Variants in ZNF846 observed in about 807,000 individuals in gnomAD.
The protein encoded by ZNF846 is zinc finger protein 420 pseudogene.
Under a neutral mutation model 16.0 loss-of-function variants are expected in ZNF846, and 15 were observed. The ratio of observed to expected loss-of-function variants is 0.94; its 90% CI spans 0.63 to 1.45. The LOEUF (loss-of-function observed/expected upper bound fraction) is 1.45, where lower values mean the gene tolerates loss of function less well. ZNF846 is among the 40% of genes most tolerant of loss of function. The pLI is 0.00. For synonymous variants in ZNF846, 229 were observed against 212.0 expected (o/e 1.08, Z -0.70); for missense variants, 714 against 622.3 (o/e 1.15, Z -1.57).
chr19:9,775,178 T>A (rs903434132), intron 1 of ZNF846, among the ~76,000 whole-genome samples: 3 of 144,466 alleles, frequency 2.1e-5, no homozygotes, highest in Admixed American at 1.4e-4. Flanking sequence ...TATATACATA[T>A]ATATGTGTAT....
chr19:9,760,287 G>A lies in ZNF846; in HGVS notation c.230-345C>T, dbSNP rs145427900. On this transcript the variant is annotated intron_variant, in intron 4 of 5. Coordinates refer to ENST00000397902, the Ensembl canonical transcript of ZNF846. The stretch of plus-strand genomic sequence containing the variant: ...AGCCTGGGCTACAGAGCAAGACTTC[G>A]TCTCAAAAAAAAAAAATGCCTAAGG... 4.2e-3 allele frequency among the ~76,000 whole-genome samples: 584 copies of A among 138,726 alleles called. 26 individuals are homozygous for A. The highest frequency in any genetic ancestry group is 0.017 in the South Asian group (76 of 4,498). The allele number at this position is 138,726 out of a possible 152,430, so 91.0% of individuals were successfully genotyped here.
chr19:9,751,559 G>A (rs530752197), downstream of ZNF846, among the ~76,000 whole-genome samples: 44 of 151,970 alleles, frequency 2.9e-4, no homozygotes, highest in East Asian at 7.6e-3. Flanking sequence ...AATGTAATTT[G>A]CAACACCCTC....
downstream of ZNF846, among the ~76,000 whole-genome samples, chr19:9,754,564 T>TAAA (rs545236944): frequency 0.076 from 6,691 of 88,392 alleles, 319 homozygotes; most frequent in Admixed American, 0.15. Context: ...GACTCTGTCT[T>TAAA]AAAAAAAAAA....
At chr19:9,782,534 A>T (rs1014668089) in intron 1 of ZNF846, among the ~76,000 whole-genome samples, 1 of 152,156 alleles carries the variant, frequency 6.6e-6, no homozygotes, top group Non-Finnish European at 1.5e-5. Context: ...AAGCACTGGG[A>T]TTGCAGGCAT....
At chr19:9,760,500 A>G (rs986175518) in intron 4 of ZNF846, among the ~76,000 whole-genome samples, 1 of 151,240 alleles carries the variant, frequency 6.6e-6, no homozygotes, top group Non-Finnish European at 1.5e-5. Flanking sequence ...CAGGAGTTCG[A>G]GACCAGCCCG....
At position 9,784,226 on chromosome 19, in the gene ZNF846, C is replaced by T. The variant is rs557547733; in HGVS notation, c.-86+1712G>A. ...CTGCACCGGCACTGGTCTCTGAGTT[C>T]CCTCAGTATTTATTGATCACTTTCT... On this transcript the variant is annotated intron_variant, in intron 1 of 4. Transcript: ENST00000586814. Among the ~76,000 whole-genome samples, 6 of 152,238 alleles carry T rather than the reference C, an allele frequency of 3.9e-5. No homozygotes were observed. In the South Asian group the frequency reaches 1.0e-3, roughly 26 times the overall value.
downstream of ZNF846, among the ~76,000 whole-genome samples, chr19:9,754,686 A>G (rs1457689756): frequency 6.6e-6 from 1 of 150,718 alleles, no homozygotes; most frequent in Non-Finnish European, 1.5e-5. Flanking sequence ...TCATATAATT[A>G]CCAATAAAAA....
At chr19:9,761,349 A>T (rs186131379) in intron 4 of ZNF846, among the ~76,000 whole-genome samples, 10 of 102,848 alleles carry the variant, frequency 9.7e-5, no homozygotes, top group East Asian at 7.9e-4. Context: ...AAACATGATT[A>T]AAAAAAAAAA....
At position 9,780,955 on chromosome 19, in the gene ZNF846, A is replaced by G. The variant is rs1223033557; in HGVS notation, c.-86+4983T>C. Among the ~76,000 whole-genome samples, 3 of 152,302 alleles carry G rather than the reference A, an allele frequency of 2.0e-5. No individual in the cohort carries two copies. In the South Asian group the frequency reaches 6.2e-4, roughly 32 times the overall value. ...AATGCTGTTTTAATTGGTCTGAGGT[A>G]GGACTCAGCCCTTAGTACATTTCTC... On this transcript the variant is annotated intron_variant, in intron 1 of 4. Transcript: ENST00000586814.
chr19:9,749,376 G>T (rs1482155283), downstream of ZNF846, among the ~76,000 whole-genome samples: 4 of 151,836 alleles, frequency 2.6e-5, no homozygotes, highest in East Asian at 7.7e-4. Context: ...ACTCGTAAAT[G>T]CCCTGCCCTT....
Position 9,764,997 on chromosome 19 carries a change from T to C in ZNF846, c.-47A>G, listed in dbSNP as rs200880967. ...GCCACTAGCCTTGGCTTCTCGATGTTCCTGTCATGAAGACAGAAAGTGTCC... is the reference window on the plus strand; with the variant it reads ...GCCACTAGCCTTGGCTTCTCGATGTCCCTGTCATGAAGACAGAAAGTGTCC... On this transcript the variant is annotated 5_prime_UTR_variant, in exon 2 of 6. Coordinates refer to ENST00000397902, the Ensembl canonical transcript of ZNF846. 6.4e-5 allele frequency: 103 copies of C among 1,610,492 alleles called. No homozygotes were observed. In the African/African-American group the frequency reaches 1.2e-3, roughly 19 times the overall value.
upstream of ZNF846, among the ~76,000 whole-genome samples, chr19:9,770,367 A>G (rs1308970859): frequency 4.0e-5 from 6 of 151,670 alleles, no homozygotes; most frequent in South Asian, 2.1e-4. Flanking sequence ...GTTTCATTCA[A>G]TGTTTTCAAG....
At chr19:9,753,408 C>T (rs2045104409), downstream of ZNF846, among the ~76,000 whole-genome samples, 1 of 145,278 alleles carries the variant, frequency 6.9e-6, no homozygotes, top group African/African-American at 2.7e-5. Context: ...CCCAGCACCA[C>T]ACTGGGCTGA....
chr19:9,770,860 C>G (rs1196083114), upstream of ZNF846, among the ~76,000 whole-genome samples: 2 of 151,700 alleles, frequency 1.3e-5, no homozygotes, highest in African/African-American at 4.8e-5. Flanking sequence ...CTGAGCACAA[C>G]TGTCTCAAAA....
downstream of ZNF846, among the ~76,000 whole-genome samples, chr19:9,749,398 C>T (rs912463136): frequency 1.3e-5 from 2 of 152,070 alleles, no homozygotes; most frequent in South Asian, 2.1e-4. Flanking sequence ...TTTACGCTGC[C>T]AGTTTACCAG....
exon 6 of ZNF846, chr19:9,752,162 G>C (rs746800954): frequency 5.2e-5 from 8 of 154,006 alleles, no homozygotes; most frequent in Non-Finnish European, 1.2e-4. Context: ...AGACTATTTT[G>C]TACCAATAGT....
chr19:9,778,467 C>T (rs944855365), intron 1 of ZNF846, among the ~76,000 whole-genome samples: 2 of 152,070 alleles, frequency 1.3e-5, no homozygotes, highest in East Asian at 3.8e-4. Context: ...AGACCTACCT[C>T]CCAATTTACA....
At chr19:9,769,833 T>A (rs1415245344), upstream of ZNF846, among the ~76,000 whole-genome samples, 1 of 151,768 alleles carries the variant, frequency 6.6e-6, no homozygotes, top group Non-Finnish European at 1.5e-5. Context: ...TTTTAAAAAA[T>A]AGCCGGGTGT....
intron 5 of ZNF846, 30 bp downstream of exon 5, chr19:9,759,830 G>GCTTCT: frequency 6.5e-7 from 1 of 1,528,698 alleles, no homozygotes; most frequent in East Asian, 2.3e-5. Flanking sequence ...TTGTCCTAGT[G>GCTTCT]TGGAAGATTT....
Sources: gnomAD v4.1 joint callset for allele counts (sites outside exome capture counted in the v4.1 genomes callset) on GRCh38, gnomAD v4.1.1 for gene constraint, MANE v1.5 for transcripts, NCBI Gene and HGNC (gene_info 2026-07-23, HGNC 2026-07-21) for gene names.